The following ANKS1B variants were observed in gnomAD, a reference collection of about 807,000 sequenced individuals.
ANKS1B encodes ankyrin repeat and sterile alpha motif domain-containing protein 1B.
ANKS1B carries 36 observed loss-of-function variants against 148.3 expected under a neutral mutation model. The observed-to-expected ratio is 0.24, with a 90% CI of 0.19 to 0.32. The LOEUF (loss-of-function observed/expected upper bound fraction) is 0.32, where lower values mean the gene tolerates loss of function less well. ANKS1B is among the 10% of genes least tolerant of loss of function. ANKS1B has a pLI of 1.00. For missense variants in ANKS1B, 1,157 were observed against 1,542.6 expected, an observed-to-expected ratio of 0.75 and a Z score of 4.19; for synonymous variants, 542 against 560.8, an observed-to-expected ratio of 0.97 and a Z score of 0.47.
At chr12:99,583,737 T>A (rs1405353907) in intron 9 of ANKS1B, among the ~76,000 whole-genome samples, 1 of 152,208 alleles carries the variant, frequency 6.6e-6, no homozygotes, top group Non-Finnish European at 1.5e-5. Context: ...CAACAAATAT[T>A]TATGAAACTC....
chr12:99,165,190 C>G (rs956753490), intron 14 of ANKS1B, among the ~76,000 whole-genome samples: 1 of 151,680 alleles, frequency 6.6e-6, no homozygotes, highest in Admixed American at 6.6e-5. Context: ...ACAAGAATTT[C>G]AAATCATTTA....
chr12:99,493,276 G>A (rs1348145699), intron 10 of ANKS1B, among the ~76,000 whole-genome samples: 1 of 152,166 alleles, frequency 6.6e-6, no homozygotes, highest in Non-Finnish European at 1.5e-5. Flanking sequence ...GTTTAAGGAG[G>A]GTGATGCAAT....
At chr12:99,102,268 A>T (rs1273232396) in intron 15 of ANKS1B, among the ~76,000 whole-genome samples, 1 of 152,186 alleles carries the variant, frequency 6.6e-6, no homozygotes, top group African/African-American at 2.4e-5. Context: ...CATTATGGGT[A>T]CAAAAGCCAG....
chr12:99,846,796 T>C lies in ANKS1B; in HGVS notation c.135-21407A>G, dbSNP rs183658732. Among the ~76,000 whole-genome samples, 17 of 152,264 alleles carry C rather than the reference T, an allele frequency of 1.1e-4. No homozygotes were observed. The East Asian group carries it at 2.5e-3, about 23-fold the overall frequency. On this transcript the variant is annotated intron_variant, in intron 1 of 26. Coordinates refer to ENST00000683438, the MANE Select transcript of ANKS1B (RefSeq NM_001352186.2). ...AGAGTTGCAAGCAGTCTTTAGGAGA[T>C]ATAAAGATATGAGAAATCTTTTGAG... is the stretch of plus-strand genomic sequence containing the variant.
chr12:99,808,843 G>A (rs922772481), intron 3 of ANKS1B, among the ~76,000 whole-genome samples: 2 of 152,050 alleles, frequency 1.3e-5, no homozygotes, highest in South Asian at 4.1e-4. Flanking sequence ...AGAGCCCTGA[G>A]CCTAGGAAAT....
chr12:98,820,596 T>C (rs2099179430), intron 19 of ANKS1B, among the ~76,000 whole-genome samples: 1 of 152,208 alleles, frequency 6.6e-6, no homozygotes, highest in African/African-American at 2.4e-5. Context: ...TGCCCCCACA[T>C]AGCCAACATA....
intron 11 of ANKS1B, among the ~76,000 whole-genome samples, chr12:99,402,827 A>G (rs2094439898): frequency 6.8e-6 from 1 of 146,104 alleles, no homozygotes; most frequent in South Asian, 2.1e-4. Flanking sequence ...TCTTTTGGGT[A>G]TATACGCAGT....
At chr12:99,876,112 G>T (rs1342160552) in intron 1 of ANKS1B, among the ~76,000 whole-genome samples, 1 of 152,128 alleles carries the variant, frequency 6.6e-6, no homozygotes, top group African/African-American at 2.4e-5. Context: ...GGACACAGGT[G>T]TCCTAACTCT....
rs117183996 is a variant in ANKS1B at position 99,270,604 on chromosome 12, A to G, written c.1757-23740T>C. Among the ~76,000 whole-genome samples the G allele has an allele frequency of 7.0e-3, 1,064 of 152,268 alleles. 7 individuals carry two copies. Among genetic ancestry groups the G allele is most frequent in the Middle Eastern group, 0.031 (9 of 294 alleles). The stretch of plus-strand genomic sequence containing the variant: ...ACACCTATCCACAGTGTCCTAATTC[A>G]GGTCCTTATAATATCCTGTCTGGGT... On this transcript the variant is annotated intron_variant, in intron 12 of 26. Coordinates refer to ENST00000683438, the MANE Select transcript of ANKS1B (RefSeq NM_001352186.2).
chr12:99,259,063 G>A lies in ANKS1B; in HGVS notation c.1757-12199C>T, dbSNP rs543885354. On this transcript the variant is annotated intron_variant, in intron 12 of 26. Coordinates refer to ENST00000683438, the MANE Select transcript of ANKS1B (RefSeq NM_001352186.2). ...AGATAGCTAGTGAACAGAGGAGCCC[G>A]TATGAGATATAAATCTGGCTAATGC... 1.6e-4 allele frequency among the ~76,000 whole-genome samples: 24 copies of A among 152,250 alleles called. No individual in the cohort carries two copies. The South Asian group carries it at 1.9e-3, about 12-fold the overall frequency.
chr12:98,885,834 A>T (rs1330146547), intron 17 of ANKS1B, among the ~76,000 whole-genome samples: 1 of 152,210 alleles, frequency 6.6e-6, no homozygotes, highest in African/African-American at 2.4e-5. Context: ...AGAAAAGTGG[A>T]TAGATCCAAG....
chr12:99,336,931 C>A (rs970442237), intron 12 of ANKS1B, among the ~76,000 whole-genome samples: 8 of 151,994 alleles, frequency 5.3e-5, no homozygotes, highest in African/African-American at 1.9e-4. Flanking sequence ...CTTTCAGGAT[C>A]CTTTCTTTAC....
chr12:99,108,826 T>A (rs2059730364), intron 15 of ANKS1B, among the ~76,000 whole-genome samples: 1 of 152,106 alleles, frequency 6.6e-6, no homozygotes, highest in East Asian at 1.9e-4. Flanking sequence ...TTTATGGGCA[T>A]AATAGGGTTC....
intron 12 of ANKS1B, among the ~76,000 whole-genome samples, chr12:99,295,795 T>C (rs1441884427): frequency 6.6e-6 from 1 of 152,166 alleles, no homozygotes. Flanking sequence ...GTGTGTACTG[T>C]TCCCCTCTAT....
chr12:99,294,287 C>T (rs971903621), intron 12 of ANKS1B, among the ~76,000 whole-genome samples: 3 of 152,098 alleles, frequency 2.0e-5, no homozygotes. Context: ...TGTCCATCAA[C>T]AGATAAATGG....
At chr12:99,805,283 A>AAAAAAAAAAAAAAAAAC (rs1333956748) in intron 4 of ANKS1B, among the ~76,000 whole-genome samples, 1 of 148,710 alleles carries the variant, frequency 6.7e-6, no homozygotes. Context: ...AAAAAAAAAA[A>AAAAAAAAAAAAAAAAAC]AAAAAGACTA....
At chr12:99,021,023 G>A (rs1434069150) in intron 17 of ANKS1B, among the ~76,000 whole-genome samples, 1 of 152,036 alleles carries the variant, frequency 6.6e-6, no homozygotes, top group Non-Finnish European at 1.5e-5. Flanking sequence ...TATCTATGAT[G>A]CCAGAAACTT....
intron 12 of ANKS1B, among the ~76,000 whole-genome samples, chr12:99,389,194 G>T (rs1457696604): frequency 1.3e-5 from 2 of 152,196 alleles, no homozygotes; most frequent in East Asian, 3.9e-4. Flanking sequence ...TGGGGAGAAT[G>T]TCTGGAACAA....
intron 9 of ANKS1B, among the ~76,000 whole-genome samples, chr12:99,537,421 A>G (rs2097081890): frequency 6.6e-6 from 1 of 152,058 alleles, no homozygotes; most frequent in African/African-American, 2.4e-5. Context: ...CCTCACCAGC[A>G]CTTGTTATTG....
Sources: allele counts gnomAD v4.1 joint callset (sites outside exome capture counted in the v4.1 genomes callset), GRCh38; gene constraint gnomAD v4.1.1; transcripts MANE v1.5; gene names NCBI Gene and HGNC (gene_info 2026-07-23, HGNC 2026-07-21).